NYAP2: variants seen among roughly 807,000 people sequenced by gnomAD.
NYAP2 encodes neuronal tyrosine-phosphorylated phosphoinositide-3-kinase adapter 2.
In NYAP2, 23 loss-of-function variants were observed where a neutral mutation model predicts 50.4. That is an observed-to-expected ratio of 0.46 (90% confidence interval 0.33 to 0.65). The LOEUF is 0.65. Ranked by LOEUF, NYAP2 falls within the 30% of genes least tolerant of loss-of-function variation. The pLI, the probability that NYAP2 is intolerant of heterozygous loss-of-function variation, is 0.02. For synonymous variants in NYAP2, 394 were observed against 365.2 expected (o/e 1.08, Z -0.90); for missense variants, 885 against 861.0 (o/e 1.03, Z -0.35).
At chr2:225,598,468 A>G (rs1285134724) in intron 5 of NYAP2, among the ~76,000 whole-genome samples, 1 of 152,238 alleles carries the variant, frequency 6.6e-6, no homozygotes, top group Non-Finnish European at 1.5e-5. Context: ...GTTAAAAAAT[A>G]TGATTTGTGA....
chr2:225,672,694 C>A, the NYAP2 span, among the ~76,000 whole-genome samples: 1 of 152,018 alleles, frequency 6.6e-6, no homozygotes, highest in South Asian at 2.1e-4. Context: ...TGATTCAAAG[C>A]GAGTAATGTG....
the NYAP2 span, among the ~76,000 whole-genome samples, chr2:225,662,221 G>A: frequency 6.6e-6 from 1 of 152,222 alleles, no homozygotes; most frequent in Non-Finnish European, 1.5e-5. Context: ...GGTTGGGAAA[G>A]TAACTTCTGG....
At chr2:225,533,167 A>C (rs1236777967) in intron 4 of NYAP2, among the ~76,000 whole-genome samples, 1 of 152,242 alleles carries the variant, frequency 6.6e-6, no homozygotes, top group Admixed American at 6.5e-5. Flanking sequence ...TATGTATTTT[A>C]GAAATATTTC....
At chr2:225,512,697 T>A (rs1387063067) in intron 3 of NYAP2, among the ~76,000 whole-genome samples, 1 of 150,972 alleles carries the variant, frequency 6.6e-6, no homozygotes, top group African/African-American at 2.5e-5. Flanking sequence ...CTTGTCTTGC[T>A]TTGCTTTTTC....
chr2:225,648,249 C>T (rs1357154627), intron 6 of NYAP2, among the ~76,000 whole-genome samples: 1 of 152,158 alleles, frequency 6.6e-6, no homozygotes, highest in Non-Finnish European at 1.5e-5. Context: ...GATCTGTCTG[C>T]CTTGGCCTCC....
At chr2:225,434,028 G>A (rs1689328279) in intron 3 of NYAP2, among the ~76,000 whole-genome samples, 1 of 152,096 alleles carries the variant, frequency 6.6e-6, no homozygotes, top group Admixed American at 6.5e-5. Flanking sequence ...CATCACAACT[G>A]CCCATGAGTT....
the NYAP2 span, among the ~76,000 whole-genome samples, chr2:225,664,271 G>A: frequency 6.6e-6 from 1 of 152,180 alleles, no homozygotes. Context: ...TTTCCAAGGA[G>A]CATGTATGGA....
intron 4 of NYAP2, among the ~76,000 whole-genome samples, chr2:225,573,250 C>CTTTT (rs59186607): frequency 7.9e-6 from 1 of 126,732 alleles, no homozygotes; most frequent in Non-Finnish European, 1.7e-5. Context: ...ATTATTATTT[C>CTTTT]TTTTTTTTTT....
chr2:225,624,495 G>C (rs1400083217), intron 5 of NYAP2, among the ~76,000 whole-genome samples: 1 of 152,176 alleles, frequency 6.6e-6, no homozygotes, highest in East Asian at 1.9e-4. Context: ...ATGGGTGGTT[G>C]TTTAGCTTTT....
At chr2:225,497,693 A>G (rs1244749932) in intron 3 of NYAP2, among the ~76,000 whole-genome samples, 1 of 152,206 alleles carries the variant, frequency 6.6e-6, no homozygotes, top group East Asian at 1.9e-4. Context: ...CTATTGGGAA[A>G]TGAATTCTCT....
intron 5 of NYAP2, among the ~76,000 whole-genome samples, chr2:225,598,583 G>A (rs1264529821): frequency 6.6e-6 from 1 of 151,650 alleles, no homozygotes; most frequent in Non-Finnish European, 1.5e-5. Flanking sequence ...TGGAATGTCA[G>A]AAAAAAAACA....
At chr2:225,493,767 A>G (rs1004768648) in intron 3 of NYAP2, among the ~76,000 whole-genome samples, 1 of 152,238 alleles carries the variant, frequency 6.6e-6, no homozygotes, top group Non-Finnish European at 1.5e-5. Flanking sequence ...AGGGAAAAAG[A>G]AAAGAATTTT....
intron 4 of NYAP2, among the ~76,000 whole-genome samples, chr2:225,514,389 T>C (rs1281420290): frequency 6.6e-6 from 1 of 152,222 alleles, no homozygotes; most frequent in Non-Finnish European, 1.5e-5. Flanking sequence ...ACAAGCTATC[T>C]TGGTCATTTG....
downstream of NYAP2, among the ~76,000 whole-genome samples, chr2:225,656,364 G>A (rs150185080): frequency 6.6e-6 from 1 of 152,266 alleles, no homozygotes; most frequent in African/African-American, 2.4e-5. Flanking sequence ...AGGCTACTAA[G>A]CCCCGTTCCT....
intron 5 of NYAP2, among the ~76,000 whole-genome samples, chr2:225,616,360 A>G (rs575170482): frequency 1.3e-5 from 2 of 152,368 alleles, no homozygotes; most frequent in South Asian, 4.1e-4. Context: ...TTCATGGTGG[A>G]GGCACAGGGC....
At chr2:225,431,584 A>G in intron 3 of NYAP2, among the ~76,000 whole-genome samples, 1 of 152,190 alleles carries the variant, frequency 6.6e-6, no homozygotes, top group East Asian at 1.9e-4. Context: ...AATCACATTT[A>G]TGTGCAAATG....
At position 225,651,553 on chromosome 2, in the gene NYAP2, C is replaced by A. The variant is rs778764001; in HGVS notation, c.1950C>A (p.Ala650=). The A allele has an allele frequency of 6.2e-7, 1 of 1,613,892 alleles. No individual in the cohort carries two copies. Among genetic ancestry groups the A allele is most frequent in the Non-Finnish European group, 8.5e-7 (1 of 1,179,850 alleles). The change falls in exon 7 of 7, where the codon GCC becomes GCA. Residue 650 remains alanine, a synonymous_variant. Coordinates refer to ENST00000636099, the Ensembl canonical transcript of NYAP2. The stretch of plus-strand genomic sequence containing the variant: ...AGAGCCAGGTACCATCATCGTTAGC[C>A]AATCGTGATTGACTTCCTGTGATAC...
intron 3 of NYAP2, among the ~76,000 whole-genome samples, chr2:225,456,399 G>A (rs898632173): frequency 6.6e-6 from 1 of 152,194 alleles, no homozygotes; most frequent in Non-Finnish European, 1.5e-5. Flanking sequence ...TTGAATCTCT[G>A]TCTCTGCCTT....
chr2:225,497,780 G>A (rs1005424632), intron 3 of NYAP2, among the ~76,000 whole-genome samples: 2 of 152,058 alleles, frequency 1.3e-5, no homozygotes, highest in Admixed American at 6.6e-5. Flanking sequence ...GTACATGCAT[G>A]TGTGTGTGTG....
Sources: allele counts gnomAD v4.1 joint callset (sites outside exome capture counted in the v4.1 genomes callset), GRCh38; gene constraint gnomAD v4.1.1; transcripts MANE v1.5; gene names NCBI Gene and HGNC (gene_info 2026-07-23, HGNC 2026-07-21).